The following SLC24A2 variants were observed in gnomAD, a reference collection of about 807,000 sequenced individuals.
The protein encoded by SLC24A2 is solute carrier family 24 member 2.
Under a neutral mutation model 62.0 loss-of-function variants are expected in SLC24A2, and 36 were observed. The ratio of observed to expected loss-of-function variants is 0.58; its 90% CI spans 0.44 to 0.77. The LOEUF (loss-of-function observed/expected upper bound fraction) is 0.77. SLC24A2 is among the 30% of genes least tolerant of loss of function. The pLI is 0.00. For synonymous variants in SLC24A2, 358 were observed against 294.0 expected (o/e 1.22, Z -2.23); for missense variants, 846 against 817.9 (o/e 1.03, Z -0.42).
chr9:19,773,548 A>G (rs1289247151), intron 2 of SLC24A2, among the ~76,000 whole-genome samples: 3 of 152,182 alleles, frequency 2.0e-5, no homozygotes, highest in African/African-American at 7.2e-5. Context: ...TACATAAAAC[A>G]CTACATTTTA....
the SLC24A2 span, among the ~76,000 whole-genome samples, chr9:20,229,625 C>T: frequency 6.6e-6 from 1 of 152,048 alleles, no homozygotes; most frequent in Non-Finnish European, 1.5e-5. Context: ...TTCCCAGTCT[C>T]GGGTCCCTTA....
At chr9:19,838,581 G>A in the SLC24A2 span, among the ~76,000 whole-genome samples, 4 of 151,680 alleles carry the variant, frequency 2.6e-5, no homozygotes, top group Non-Finnish European at 4.4e-5. Context: ...GGAAGTTGCA[G>A]TGAGTCGAGA....
chr9:19,744,856 G>T (rs1219969305), intron 2 of SLC24A2, among the ~76,000 whole-genome samples: 1 of 152,020 alleles, frequency 6.6e-6, no homozygotes, highest in Non-Finnish European at 1.5e-5. Context: ...TGTAACTATT[G>T]GCTTCTTTTC....
the SLC24A2 span, among the ~76,000 whole-genome samples, chr9:19,996,230 G>A: frequency 2.0e-5 from 3 of 152,092 alleles, no homozygotes; most frequent in African/African-American, 7.2e-5. Context: ...TACTGTTCAG[G>A]GTAATGCTTC....
At chr9:19,644,314 T>G (rs1214281516) in intron 2 of SLC24A2, among the ~76,000 whole-genome samples, 1 of 152,208 alleles carries the variant, frequency 6.6e-6, no homozygotes, top group Non-Finnish European at 1.5e-5. Flanking sequence ...TTCTGAGGGA[T>G]GAGAACATCC....
Position 19,785,952 on chromosome 9 carries a change from T to C in SLC24A2, c.915A>G (p.Pro305=). 1 of 1,614,238 alleles carries C rather than the reference T, an allele frequency of 6.2e-7. No homozygotes were observed. The highest frequency in any genetic ancestry group is 8.5e-7 in the Non-Finnish European group (1 of 1,180,028). ...CACCACCAACCTTTGCTTGGGCTTC[T>C]GGTGCTGTCACCTTGACGACCTTAT... ...NRNKVVKVTA[P]EAQAKPSAAR... Residue 305 remains proline (P), a synonymous_variant, in exon 2 of 11, where the codon CCA becomes CCG. Coordinates refer to ENST00000341998, the MANE Select transcript of SLC24A2 (RefSeq NM_020344.4).
At chr9:19,624,776 C>T (rs1397194670) in intron 2 of SLC24A2, among the ~76,000 whole-genome samples, 1 of 152,022 alleles carries the variant, frequency 6.6e-6, no homozygotes, top group African/African-American at 2.4e-5. Context: ...TTTATGTAGC[C>T]CTGTTGCAAA....
At chr9:19,780,474 G>C (rs1242249049) in intron 2 of SLC24A2, among the ~76,000 whole-genome samples, 3 of 151,478 alleles carry the variant, frequency 2.0e-5, no homozygotes, top group Non-Finnish European at 4.4e-5. Flanking sequence ...CACCATCTTG[G>C]CCAGGCTGGT....
At chr9:20,023,674 T>G in the SLC24A2 span, among the ~76,000 whole-genome samples, 1 of 152,176 alleles carries the variant, frequency 6.6e-6, no homozygotes, top group Admixed American at 6.5e-5. Context: ...AGCCTTAAGG[T>G]ACCAACTTTT....
intron 4 of SLC24A2, among the ~76,000 whole-genome samples, chr9:19,610,241 G>C (rs781027417): frequency 1.3e-5 from 2 of 152,214 alleles, no homozygotes; most frequent in African/African-American, 4.8e-5. Flanking sequence ...AATTGTAGGA[G>C]AGTGTACAAG....
the SLC24A2 span, among the ~76,000 whole-genome samples, chr9:19,921,150 T>A: frequency 6.6e-6 from 1 of 152,078 alleles, no homozygotes; most frequent in Non-Finnish European, 1.5e-5. Context: ...GGTTACCATT[T>A]ACCTGTCTTC....
intron 2 of SLC24A2, among the ~76,000 whole-genome samples, chr9:19,780,488 G>A (rs1043466579): frequency 1.5e-4 from 23 of 151,478 alleles, no homozygotes; most frequent in Non-Finnish European, 2.2e-4. Flanking sequence ...GGCTGGTTTT[G>A]AACTCCTGAC....
chr9:19,880,767 G>A, the SLC24A2 span, among the ~76,000 whole-genome samples: 3 of 152,300 alleles, frequency 2.0e-5, no homozygotes, highest in East Asian at 1.9e-4. Context: ...AGATTGGGGG[G>A]ATTGGATATG....
chr9:19,812,042 T>A, the SLC24A2 span, among the ~76,000 whole-genome samples: 2 of 152,140 alleles, frequency 1.3e-5, no homozygotes, highest in Non-Finnish European at 2.9e-5. Flanking sequence ...GGATATACAG[T>A]TTTAGACTAA....
At chr9:19,730,417 G>A (rs999118210) in intron 2 of SLC24A2, among the ~76,000 whole-genome samples, 1 of 152,096 alleles carries the variant, frequency 6.6e-6, no homozygotes, top group Admixed American at 6.6e-5. Flanking sequence ...CATGTATACA[G>A]AGGTAGAATT....
At position 19,787,630 on chromosome 9, in the gene SLC24A2, A is replaced by AAAGT. The variant is rs1477329184; in HGVS notation, c.-153-615_-153-612dup. On this transcript the variant is annotated intron_variant, in intron 1 of 10. Coordinates refer to ENST00000341998, the MANE Select transcript of SLC24A2 (RefSeq NM_020344.4). ...AAGTCTCTCCTTTATCAGATGCGGG[A>AAAGT]AAGTAGTCCTTTACAAATTTAAGTT... 1.4e-4 allele frequency among the ~76,000 whole-genome samples: 22 copies of AAAGT among 152,314 alleles called. No homozygotes were observed. The East Asian group carries it at 3.9e-3, about 27-fold the overall frequency.
the SLC24A2 span, among the ~76,000 whole-genome samples, chr9:20,268,028 G>C: frequency 2.6e-5 from 4 of 152,102 alleles, no homozygotes; most frequent in Non-Finnish European, 4.4e-5. Context: ...CTGCCCCACA[G>C]CCACGTTATC....
the SLC24A2 span, among the ~76,000 whole-genome samples, chr9:20,259,987 G>C: frequency 6.6e-5 from 10 of 152,206 alleles, no homozygotes; most frequent in African/African-American, 2.4e-4. Context: ...AGGAGGCTGA[G>C]GTTGGAGGTC....
At chr9:20,026,636 A>G in the SLC24A2 span, among the ~76,000 whole-genome samples, 1 of 152,248 alleles carries the variant, frequency 6.6e-6, no homozygotes, top group African/African-American at 2.4e-5. Context: ...GAATAATGAA[A>G]TCAGACTTAT....
Sources: allele counts gnomAD v4.1 joint callset (sites outside exome capture counted in the v4.1 genomes callset), GRCh38; gene constraint gnomAD v4.1.1; transcripts MANE v1.5; gene names NCBI Gene and HGNC (gene_info 2026-07-23, HGNC 2026-07-21).